The following IST1 variants were observed in gnomAD, a reference collection of about 807,000 sequenced individuals.
IST1 encodes IST1 homolog.
In IST1, 23 loss-of-function variants were observed where a neutral mutation model predicts 37.0. The ratio of observed to expected loss-of-function variants is 0.62; its 90% confidence interval spans 0.45 to 0.88. IST1 has a LOEUF of 0.88. Among genes scored for constraint, IST1 ranks in the 40% least tolerant of loss-of-function variants. The probability of loss-of-function intolerance (pLI) is 0.00; values close to 1 mark genes in which losing one functional copy is unlikely to be tolerated. For synonymous variants in IST1, 180 were observed against 161.7 expected (o/e 1.11, Z -0.86); for missense variants, 488 against 445.4 (o/e 1.10, Z -0.86).
rs536547924 is a variant in IST1 at position 71,930,787 on chromosome 16, T to C, written c.*2974T>C. On this transcript the variant is annotated 3_prime_UTR_variant, in exon 10 of 10. Transcript: ENST00000378799. ...ATAACAAAAACTGTTGTTTAAAATT[T>C]AGATGTTCTTTTTCAACAAATGGTA... 6.6e-6 allele frequency: 1 copy of C among 152,250 alleles called. No individual in the cohort carries two copies. The highest frequency in any genetic ancestry group is 2.1e-4 in the South Asian group (1 of 4,838). 9.4% of individuals were successfully genotyped at this position (152,250 alleles called of 1,614,324 possible).
At chr16:71,926,144 T>G (rs1468992407) in intron 9 of IST1, among the ~76,000 whole-genome samples, 4 of 151,762 alleles carry the variant, frequency 2.6e-5, no homozygotes, top group African/African-American at 9.7e-5. Flanking sequence ...TAGCTGGGTG[T>G]GGTGGCAGGC....
intron 1 of IST1, among the ~76,000 whole-genome samples, chr16:71,900,305 T>G (rs909019668): frequency 6.7e-6 from 1 of 150,286 alleles, no homozygotes; most frequent in Non-Finnish European, 1.5e-5. Flanking sequence ...CTACAAACAC[T>G]GAGTTTACTC....
At position 71,927,638 on chromosome 16, in the gene IST1, C is replaced by CTGCAT; in HGVS notation, c.930_931insTTGCA (p.Lys311LeufsTer54). On this transcript the variant is annotated frameshift_variant, in exon 10 of 10. Coordinates refer to ENST00000378799, the MANE Select transcript of IST1 (RefSeq NM_001270975.2). LOFTEE classifies it high-confidence loss of function. ...GGTCCTGGACCCAAGCCAGAAGCCTCTGCAAAGCTTCCTTCCAGACCTGCA... is the reference window on the plus strand; with the variant it reads ...GGTCCTGGACCCAAGCCAGAAGCCTCTGCATTGCAAAGCTTCCTTCCAGACCTGCA... 1 of 1,613,926 alleles carries CTGCAT rather than the reference C, an allele frequency of 6.2e-7. No individual in the cohort carries two copies. The highest frequency in any genetic ancestry group is 1.1e-5 in the South Asian group (1 of 91,080).
intron 8 of IST1, chr16:71,924,448 A>G (rs968045196): frequency 6.4e-6 from 3 of 467,608 alleles, no homozygotes; most frequent in African/African-American, 3.9e-5. Context: ...AAAATTGGCC[A>G]GGCATAGTGC....
In IST1 at chr16:71,930,826, G is replaced by A. The variant is rs2037926437; in HGVS notation, c.*3013G>A. The A allele has an allele frequency of 6.6e-6, 1 of 152,016 alleles. No individual in the cohort carries two copies. The highest frequency in any genetic ancestry group is 1.5e-5 in the Non-Finnish European group (1 of 68,002). 9.4% of individuals were successfully genotyped at this position (152,016 alleles called of 1,614,324 possible). On this transcript the variant is annotated 3_prime_UTR_variant, in exon 10 of 10. Transcript: ENST00000378799. Reference sequence around the variant, plus strand: ...CAACAAATGGTATTTATTTTCCCTTGGTATTGGCCCATTCATTGTTGCCAC... The same window carrying A: ...CAACAAATGGTATTTATTTTCCCTTAGTATTGGCCCATTCATTGTTGCCAC...
At chr16:71,911,195 T>G (rs2037346018) in intron 1 of IST1, among the ~76,000 whole-genome samples, 1 of 151,864 alleles carries the variant, frequency 6.6e-6, no homozygotes, top group South Asian at 2.1e-4. Flanking sequence ...GAGCGGTGAT[T>G]GCACCACTGC....
intron 1 of IST1, among the ~76,000 whole-genome samples, chr16:71,896,134 G>T (rs767428252): frequency 1.3e-5 from 2 of 152,166 alleles, no homozygotes; most frequent in Non-Finnish European, 2.9e-5. Context: ...TTCTTTCGCT[G>T]AAGTAAGGAG....
At chr16:71,924,621 A>T (rs1430296921) in intron 8 of IST1, 148 bp from the exon 9 acceptor site, 1 of 673,098 alleles carries the variant, frequency 1.5e-6, no homozygotes, top group Non-Finnish European at 2.7e-6. Context: ...TATCTACCTG[A>T]TTGGAAAAAA....
At position 71,899,789 on chromosome 16, in the gene IST1, C is replaced by T. The variant is rs1015713453; in HGVS notation, c.-16+4200C>T. On this transcript the variant is annotated intron_variant, in intron 1 of 9. Transcript: ENST00000378799. ...CTGTAATCCCAGCACTTCGGGAGGC[C>T]GAGGCGGGTGGATCACAAGGTCAGG... Among the ~76,000 whole-genome samples the T allele has an allele frequency of 9.2e-5, 14 of 151,564 alleles. No homozygotes were observed. The East Asian group carries it at 1.9e-3, about 21-fold the overall frequency.
chr16:71,900,327 C>CTTTTTTTTTTTT (rs201344260), intron 1 of IST1, among the ~76,000 whole-genome samples: 30 of 100,496 alleles, frequency 3.0e-4, no homozygotes, highest in Admixed American at 7.1e-4. Flanking sequence ...CTTAGGAAGT[C>CTTTTTTTTTTTT]TTTTTTTTTT....
chr16:71,901,905 G>T (rs1364465073), intron 1 of IST1, among the ~76,000 whole-genome samples: 1 of 152,222 alleles, frequency 6.6e-6, no homozygotes, highest in East Asian at 1.9e-4. Flanking sequence ...CTTGCAGTGA[G>T]ATTGAAACAG....
At chr16:71,923,852 C>G (rs1398092765) in intron 8 of IST1, among the ~76,000 whole-genome samples, 1 of 152,144 alleles carries the variant, frequency 6.6e-6, no homozygotes, top group Non-Finnish European at 1.5e-5. Flanking sequence ...TTTTAGTATT[C>G]TAGTTAAAAT....
intron 1 of IST1, among the ~76,000 whole-genome samples, chr16:71,904,225 G>A (rs992307547): frequency 7.2e-5 from 11 of 152,158 alleles, no homozygotes; most frequent in Non-Finnish European, 1.6e-4. Context: ...CCAGGTTCAA[G>A]CAATTTTCCT....
chr16:71,907,488 A>G (rs1191550452), intron 1 of IST1, among the ~76,000 whole-genome samples: 3 of 152,032 alleles, frequency 2.0e-5, no homozygotes, highest in Non-Finnish European at 4.4e-5. Context: ...TGTGTTGGCC[A>G]GGGTGGTTTC....
At position 71,929,683 on chromosome 16, in the gene IST1, G is replaced by A; in HGVS notation, c.*1870G>A. On this transcript the variant is annotated 3_prime_UTR_variant, in exon 10 of 10. Transcript: ENST00000378799. ...ATCTATTAGTGCAGCTTCTTTCTGA[G>A]TATTGAAGACAAAAAGAGAAAAGTG... 1 of 1,532,720 alleles carries A rather than the reference G, an allele frequency of 6.5e-7. No individual in the cohort carries two copies. The highest frequency in any genetic ancestry group is 8.8e-7 in the Non-Finnish European group (1 of 1,140,192). The allele number at this position is 1,532,720 out of a possible 1,614,324, so 94.9% of individuals were successfully genotyped here. A position where few individuals can be genotyped will look rare whatever the true frequency, so the allele number is the denominator to read the frequency against.
intron 1 of IST1, among the ~76,000 whole-genome samples, chr16:71,912,904 C>T (rs1857798631): frequency 6.6e-6 from 1 of 152,110 alleles, no homozygotes; most frequent in Non-Finnish European, 1.5e-5. Flanking sequence ...AAATTTCATC[C>T]ATGTTGTAGC....
At chr16:71,912,711 A>C (rs2037384902) in intron 1 of IST1, among the ~76,000 whole-genome samples, 1 of 152,102 alleles carries the variant, frequency 6.6e-6, no homozygotes, top group African/African-American at 2.4e-5. Flanking sequence ...ATCTCCATAA[A>C]CTTTCATCTT....
intron 9 of IST1, 22 bp downstream of exon 9, chr16:71,924,839 C>G: frequency 1.3e-6 from 2 of 1,542,022 alleles, no homozygotes; most frequent in Non-Finnish European, 1.8e-6. Context: ...CAATCAGAAA[C>G]CTGCAGAGCT....
At chr16:71,916,709 TTCTGC>T in intron 3 of IST1, 67 bp downstream of exon 3, 1 of 1,369,350 alleles carries the variant, frequency 7.3e-7, no homozygotes, top group Non-Finnish European at 1.0e-6. Context: ...TATGATCTCT[TTCTGC>T]ATTAAGGGAC....
Sources: gnomAD v4.1 joint callset for allele counts (sites outside exome capture counted in the v4.1 genomes callset) on GRCh38, gnomAD v4.1.1 for gene constraint, MANE v1.5 for transcripts, NCBI Gene and HGNC (gene_info 2026-07-23, HGNC 2026-07-21) for gene names.